SHISA9: variants seen among roughly 807,000 people sequenced by gnomAD.
SHISA9 encodes the protein protein shisa-9.
Under a neutral mutation model 38.0 loss-of-function variants are expected in SHISA9, and 13 were observed. The ratio of observed to expected loss-of-function variants is 0.34; its 90% CI spans 0.22 to 0.54. The LOEUF (loss-of-function observed/expected upper bound fraction) is 0.54. SHISA9 is among the 20% of genes least tolerant of loss of function. SHISA9 has a pLI of 0.91. For synonymous variants in SHISA9, 275 were observed against 242.0 expected, an observed-to-expected ratio of 1.14 and a Z score of -1.27; for missense variants, 538 against 575.8, an observed-to-expected ratio of 0.93 and a Z score of 0.67.
At chr16:13,055,413 A>G (rs1291206768) in intron 2 of SHISA9, among the ~76,000 whole-genome samples, 1 of 152,204 alleles carries the variant, frequency 6.6e-6, no homozygotes, top group Non-Finnish European at 1.5e-5. Flanking sequence ...GTTCTAGTGC[A>G]GGAACTCATG....
At chr16:13,223,402 G>C (rs1212121479) in intron 4 of SHISA9, among the ~76,000 whole-genome samples, 3 of 152,284 alleles carry the variant, frequency 2.0e-5, no homozygotes, top group African/African-American at 7.2e-5. Context: ...CTGCACTTCA[G>C]CCTGGGTGAC....
At chr16:13,046,100 A>C (rs1447947254) in intron 2 of SHISA9, among the ~76,000 whole-genome samples, 1 of 152,210 alleles carries the variant, frequency 6.6e-6, no homozygotes, top group Non-Finnish European at 1.5e-5. Context: ...ATGCTGATGC[A>C]GGATAGATAT....
At chr16:13,452,855 A>G in the SHISA9 span, among the ~76,000 whole-genome samples, 1 of 151,610 alleles carries the variant, frequency 6.6e-6, no homozygotes, top group Non-Finnish European at 1.5e-5. Context: ...CTCTTAAAGA[A>G]TATACTCTCA....
intron 2 of SHISA9, among the ~76,000 whole-genome samples, chr16:12,928,955 A>G (rs1199913965): frequency 1.3e-5 from 2 of 152,238 alleles, no homozygotes; most frequent in African/African-American, 4.8e-5. Flanking sequence ...AATTTCAGAT[A>G]CTGGTACTAT....
chr16:13,085,827 C>T (rs958811519), intron 2 of SHISA9, among the ~76,000 whole-genome samples: 2 of 151,984 alleles, frequency 1.3e-5, no homozygotes, highest in Non-Finnish European at 1.5e-5. Context: ...AATTATAATC[C>T]AGGTAATTAG....
the SHISA9 span, among the ~76,000 whole-genome samples, chr16:13,467,891 G>C: frequency 6.6e-6 from 1 of 152,154 alleles, no homozygotes; most frequent in Non-Finnish European, 1.5e-5. Flanking sequence ...CTTCAGGAAG[G>C]AATACTTGCA....
At chr16:13,004,943 G>GAAAAAAAAAAAAAAAAAA (rs59694628) in intron 2 of SHISA9, among the ~76,000 whole-genome samples, 1 of 103,754 alleles carries the variant, frequency 9.6e-6, no homozygotes, top group Non-Finnish European at 2.0e-5. Flanking sequence ...TTAAGAAAAA[G>GAAAAAAAAAAAAAAAAAA]AAAAAAAAAA....
chr16:13,293,374 A>G, the SHISA9 span, among the ~76,000 whole-genome samples: 159 of 152,246 alleles, frequency 1.0e-3, no homozygotes, highest in African/African-American at 3.7e-3. Flanking sequence ...TGTTTGTTGT[A>G]CCATCTGCAA....
At chr16:13,465,947 G>A in the SHISA9 span, among the ~76,000 whole-genome samples, 1 of 152,256 alleles carries the variant, frequency 6.6e-6, no homozygotes, top group Non-Finnish European at 1.5e-5. Flanking sequence ...AGTAGTAACA[G>A]AGACTGCATG....
At chr16:13,108,728 T>C (rs1224020999) in intron 2 of SHISA9, among the ~76,000 whole-genome samples, 2 of 152,238 alleles carry the variant, frequency 1.3e-5, no homozygotes, top group East Asian at 1.9e-4. Flanking sequence ...CTTTTTACCA[T>C]TGGGGGAAAT....
chr16:13,382,402 C>T, the SHISA9 span, among the ~76,000 whole-genome samples: 2 of 151,756 alleles, frequency 1.3e-5, no homozygotes, highest in Non-Finnish European at 2.9e-5. Context: ...GTGACGCATG[C>T]CTGTAATCCC....
intron 2 of SHISA9, among the ~76,000 whole-genome samples, chr16:13,110,347 A>G (rs2073965842): frequency 6.6e-6 from 1 of 152,180 alleles, no homozygotes; most frequent in African/African-American, 2.4e-5. Context: ...TTTTCTCCAG[A>G]TGGGACAGAT....
At chr16:13,203,022 G>C (rs544385315) in intron 2 of SHISA9, among the ~76,000 whole-genome samples, 6 of 152,250 alleles carry the variant, frequency 3.9e-5, no homozygotes, top group African/African-American at 1.4e-4. Flanking sequence ...TGTTGGCAAA[G>C]GAATGGCTTC....
chr16:13,098,705 C>T (rs1019818729), intron 2 of SHISA9, among the ~76,000 whole-genome samples: 1 of 152,174 alleles, frequency 6.6e-6, no homozygotes, highest in Non-Finnish European at 1.5e-5. Flanking sequence ...TGCAGGCTCC[C>T]ATCCACTCTG....
At chr16:13,330,183 T>A in the SHISA9 span, among the ~76,000 whole-genome samples, 1 of 152,230 alleles carries the variant, frequency 6.6e-6, no homozygotes, top group Non-Finnish European at 1.5e-5. Context: ...CTTTCTGTTT[T>A]CAGAGACAGA....
chr16:13,074,268 C>A (rs2073554945), intron 2 of SHISA9, among the ~76,000 whole-genome samples: 1 of 152,112 alleles, frequency 6.6e-6, no homozygotes, highest in African/African-American at 2.4e-5. Context: ...CCATGCCTGG[C>A]CATTTCTGCT....
the SHISA9 span, among the ~76,000 whole-genome samples, chr16:13,550,470 C>G: frequency 6.6e-6 from 1 of 152,200 alleles, no homozygotes; most frequent in Admixed American, 6.5e-5. Context: ...TAAAAACTGT[C>G]CAAGTGGCAA....
rs1451737473 is a variant in SHISA9, at chr16:12,901,892, A to AGCCGAGCGCAGTGGCC, written c.-167_-152dup. ...CGCGGGCTGAGGCGAACGCGGGCTG[A>AGCCGAGCGCAGTGGCC]GCCGAGCGCAGTGGCCGCCGACCAC... On this transcript the variant is annotated 5_prime_UTR_variant, in exon 1 of 5. Coordinates refer to ENST00000558583, the MANE Select transcript of SHISA9 (RefSeq NM_001145204.3). 1.8e-5 allele frequency: 5 copies of AGCCGAGCGCAGTGGCC among 278,898 alleles called. No individual in the cohort carries two copies. Among genetic ancestry groups the AGCCGAGCGCAGTGGCC allele is most frequent in the Non-Finnish European group, 3.0e-5 (5 of 164,418 alleles). The allele number at this position is 278,898 out of a possible 1,614,324, so 17.3% of individuals were successfully genotyped here.
chr16:12,959,527 A>G (rs999602574), intron 2 of SHISA9, among the ~76,000 whole-genome samples: 5 of 152,160 alleles, frequency 3.3e-5, no homozygotes, highest in African/African-American at 1.2e-4. Flanking sequence ...GCAGCTGGAG[A>G]AAAAACAGAG....
Sources: gnomAD v4.1 joint callset for allele counts (sites outside exome capture counted in the v4.1 genomes callset) on GRCh38, gnomAD v4.1.1 for gene constraint, MANE v1.5 for transcripts, NCBI Gene and HGNC (gene_info 2026-07-23, HGNC 2026-07-21) for gene names.